Variants in C5orf63 observed in about 807,000 individuals in gnomAD.
C5orf63 encodes glutaredoxin-like protein C5orf63.
Under a neutral mutation model 13.3 loss-of-function variants are expected in C5orf63, and 18 were observed. That is an observed-to-expected ratio of 1.36 (90% CI 0.94 to 2.01). The LOEUF is 2.01. Ranked by LOEUF, C5orf63 falls within the 30% of genes most tolerant of loss-of-function variation. The probability of loss-of-function intolerance (pLI) is 0.00; values close to 1 mark genes in which losing one functional copy is unlikely to be tolerated. For synonymous variants in C5orf63, 38 were observed against 44.7 expected, an observed-to-expected ratio of 0.85 and a Z score of 0.60; for missense variants, 118 against 127.7, an observed-to-expected ratio of 0.92 and a Z score of 0.36.
chr5:127,051,517 G>A lies in C5orf63; in HGVS notation c.*254C>T. On this transcript the variant is annotated 3_prime_UTR_variant, in exon 5 of 5. Coordinates refer to ENST00000296662, the MANE Select transcript of C5orf63 (RefSeq NM_001164478.2). ...TACAAAAAGGATAAATAAGACAAAT[G>A]GACTTCTCCCTCCCTCCATCATCTC... The A allele has an allele frequency of 1.6e-6, 2 of 1,237,896 alleles. No homozygotes were observed. The highest frequency in any genetic ancestry group is 2.0e-6 in the Non-Finnish European group (2 of 991,530). 76.7% of individuals were successfully genotyped at this position (1,237,896 alleles called of 1,614,324 possible).
intron 1 of C5orf63, among the ~76,000 whole-genome samples, chr5:127,072,772 A>G (rs1411719503): frequency 6.6e-6 from 1 of 152,250 alleles, no homozygotes; most frequent in African/African-American, 2.4e-5. Flanking sequence ...CTAACTCACA[A>G]TGACATTTTA....
downstream of C5orf63, chr5:127,051,221 A>G (rs1753661213): frequency 2.2e-6 from 2 of 917,294 alleles, no homozygotes; most frequent in African/African-American, 3.4e-5. Flanking sequence ...GGCTAGGATA[A>G]TAATTCTCTT....
chr5:127,058,860 A>G, intron 3 of C5orf63, 22 bp downstream of exon 3: 1 of 1,451,036 alleles, frequency 6.9e-7, no homozygotes, highest in Non-Finnish European at 9.3e-7. Context: ...TCACCCAACA[A>G]TTTTACTTTT....
intron 2 of C5orf63, among the ~76,000 whole-genome samples, chr5:127,066,605 G>C (rs1236565985): frequency 6.6e-6 from 1 of 152,054 alleles, no homozygotes; most frequent in Non-Finnish European, 1.5e-5. Context: ...TGAAGAATAT[G>C]TCGGACCAAG....
In C5orf63 at chr5:127,072,782, A is replaced by G. The variant is rs1263646510; in HGVS notation, c.-110+669T>C. Among the ~76,000 whole-genome samples the G allele has an allele frequency of 3.3e-5, 5 of 152,246 alleles. No individual in the cohort carries two copies. The East Asian group carries it at 9.6e-4, about 29-fold the overall frequency. On this transcript the variant is annotated intron_variant, in intron 1 of 4. Transcript: ENST00000296662. Reference sequence around the variant, plus strand: ...CAAGCCTAACTCACAATGACATTTTAGTGGGGACTTTTCTACCCTTGGACT... The same window carrying G: ...CAAGCCTAACTCACAATGACATTTTGGTGGGGACTTTTCTACCCTTGGACT...
intron 3 of C5orf63, among the ~76,000 whole-genome samples, chr5:127,058,076 G>A (rs1042140274): frequency 1.3e-5 from 2 of 152,024 alleles, no homozygotes; most frequent in Non-Finnish European, 2.9e-5. Context: ...TTAGGTTCGG[G>A]GGTACATGTG....
chr5:127,060,270 T>C (rs1338532036), intron 2 of C5orf63, among the ~76,000 whole-genome samples: 2 of 152,170 alleles, frequency 1.3e-5, no homozygotes, highest in Non-Finnish European at 2.9e-5. Flanking sequence ...AAGGAGATCA[T>C]CATAACTTTT....
chr5:127,053,206 C>T (rs767019351), intron 3 of C5orf63, among the ~76,000 whole-genome samples: 1 of 152,162 alleles, frequency 6.6e-6, no homozygotes, highest in Admixed American at 6.5e-5. Flanking sequence ...ATGATTATTG[C>T]ACCGCCTGTT....
chr5:127,043,162 A>T (rs570113526), downstream of C5orf63: 1 of 152,342 alleles, frequency 6.6e-6, no homozygotes, highest in Admixed American at 6.5e-5. Context: ...ATAAATTTTT[A>T]AAAAACACTG....
chr5:127,060,314 A>C (rs1754052535), intron 2 of C5orf63, among the ~76,000 whole-genome samples: 1 of 152,190 alleles, frequency 6.6e-6, no homozygotes, highest in Admixed American at 6.5e-5. Context: ...TTGTGTTTCT[A>C]CTGGACATAT....
At chr5:127,056,917 G>C (rs537540178) in intron 3 of C5orf63, among the ~76,000 whole-genome samples, 1 of 152,316 alleles carries the variant, frequency 6.6e-6, no homozygotes, top group African/African-American at 2.4e-5. Context: ...CCATCTTCTT[G>C]TGTGCCTAAT....
downstream of C5orf63, chr5:127,043,225 A>C (rs1400173114): frequency 1.3e-5 from 2 of 152,188 alleles, no homozygotes; most frequent in African/African-American, 2.4e-5. Flanking sequence ...TTATCTATTA[A>C]AGTTATTTGG....
downstream of C5orf63, among the ~76,000 whole-genome samples, chr5:127,048,246 G>GACACACACACAC (rs71822352): frequency 1.4e-4 from 19 of 134,686 alleles, no homozygotes; most frequent in African/African-American, 4.8e-4. Context: ...GGTCCATGAG[G>GACACACACACAC]ACACACACAC....
chr5:127,070,485 C>T (rs1754496312), intron 2 of C5orf63, among the ~76,000 whole-genome samples: 1 of 152,130 alleles, frequency 6.6e-6, no homozygotes, highest in Admixed American at 6.5e-5. Flanking sequence ...CAGCATATAC[C>T]ACCACTGTCC....
downstream of C5orf63, chr5:127,047,927 A>T (rs1391240632): frequency 3.0e-6 from 2 of 675,168 alleles, no homozygotes; most frequent in South Asian, 1.6e-5. Flanking sequence ...TATGGGAGAA[A>T]GAAAAAGTGG....
chr5:127,064,516 T>G (rs1421441179), intron 2 of C5orf63, among the ~76,000 whole-genome samples: 1 of 152,206 alleles, frequency 6.6e-6, no homozygotes, highest in Non-Finnish European at 1.5e-5. Context: ...CAGTTTGGAC[T>G]GCAGATTTGC....
intron 2 of C5orf63, among the ~76,000 whole-genome samples, chr5:127,064,831 C>G (rs920973798): frequency 3.3e-5 from 5 of 152,222 alleles, no homozygotes; most frequent in African/African-American, 1.2e-4. Flanking sequence ...AATTTGTATT[C>G]AACACACTGC....
intron 3 of C5orf63, among the ~76,000 whole-genome samples, chr5:127,055,262 A>G (rs1157893822): frequency 6.6e-6 from 1 of 152,208 alleles, no homozygotes; most frequent in Non-Finnish European, 1.5e-5. Context: ...ACTACGTTAA[A>G]GTTCATATGG....
intron 3 of C5orf63, among the ~76,000 whole-genome samples, chr5:127,055,208 TC>T (rs1753831714): frequency 6.6e-6 from 1 of 152,132 alleles, no homozygotes; most frequent in South Asian, 2.1e-4. Flanking sequence ...TTCAGTGCCA[TC>T]CCCATCAAGC....
Sources: allele counts gnomAD v4.1 joint callset (sites outside exome capture counted in the v4.1 genomes callset), GRCh38; gene constraint gnomAD v4.1.1; transcripts MANE v1.5; gene names NCBI Gene and HGNC (gene_info 2026-07-23, HGNC 2026-07-21).